The following OSBPL9 variants were observed in gnomAD, a reference collection of about 807,000 sequenced individuals.
OSBPL9 encodes oxysterol binding protein like 9.
OSBPL9 carries 40 observed loss-of-function variants against 106.6 expected under a neutral mutation model. That is an observed-to-expected ratio of 0.38 (90% confidence interval 0.29 to 0.49). The LOEUF is 0.49. OSBPL9 is among the 20% of genes least tolerant of loss of function. The probability of loss-of-function intolerance (pLI) is 0.97; values close to 1 mark genes in which losing one functional copy is unlikely to be tolerated. For synonymous variants in OSBPL9, 269 were observed against 295.4 expected, an observed-to-expected ratio of 0.91 and a Z score of 0.92; for missense variants, 609 against 887.2, an observed-to-expected ratio of 0.69 and a Z score of 3.98.
intron 14 of OSBPL9, among the ~76,000 whole-genome samples, chr1:51,775,895 G>T (rs1320385301): frequency 2.0e-5 from 3 of 152,156 alleles, no homozygotes; most frequent in Non-Finnish European, 4.4e-5. Flanking sequence ...ATAGGCACAA[G>T]CCAGTATGCC....
chr1:51,660,453 T>C (rs190772056), intron 2 of OSBPL9, among the ~76,000 whole-genome samples: 155 of 152,098 alleles, frequency 1.0e-3, no homozygotes, highest in Non-Finnish European at 1.7e-3. Context: ...TGCATATTAA[T>C]AAAGAAGACA....
intron 9 of OSBPL9, among the ~76,000 whole-genome samples, chr1:51,758,674 A>G (rs1399997587): frequency 6.6e-6 from 1 of 152,194 alleles, no homozygotes; most frequent in East Asian, 1.9e-4. Context: ...ATTACATCCA[A>G]AAGAGAATTC....
chr1:51,759,483 T>C (rs1278225837), intron 9 of OSBPL9: 2 of 152,206 alleles, frequency 1.3e-5, no homozygotes, highest in African/African-American at 4.8e-5. Flanking sequence ...GGCTTATTTA[T>C]TGGCAAAGTA....
chr1:51,535,592 C>G, the OSBPL9 span, among the ~76,000 whole-genome samples: 1 of 151,962 alleles, frequency 6.6e-6, no homozygotes, highest in Non-Finnish European at 1.5e-5. Context: ...TAATCTCACT[C>G]TGTCGCCCAG....
the OSBPL9 span, among the ~76,000 whole-genome samples, chr1:51,518,868 A>C: frequency 1.3e-5 from 2 of 151,682 alleles, no homozygotes; most frequent in Non-Finnish European, 2.9e-5. Context: ...GGTAGGTGAA[A>C]GCTGCCCCGC....
chr1:51,756,924 A>C (rs1026516286), intron 9 of OSBPL9: 1 of 151,870 alleles, frequency 6.6e-6, no homozygotes, highest in Non-Finnish European at 1.5e-5. Context: ...TTTATATTCA[A>C]CTTCCCCTCC....
intron 4 of OSBPL9, among the ~76,000 whole-genome samples, chr1:51,730,582 A>G (rs1300314141): frequency 1.3e-5 from 2 of 152,190 alleles, no homozygotes; most frequent in Non-Finnish European, 2.9e-5. Flanking sequence ...AAACTTTGGT[A>G]TAGTTTTATG....
At chr1:51,787,296 G>T in intron 22 of OSBPL9, 57 bp from the exon 23 acceptor site, 1 of 1,531,400 alleles carries the variant, frequency 6.5e-7, no homozygotes, top group Non-Finnish European at 9.0e-7. Context: ...CTATATTCAG[G>T]ATGGCTGCAG....
chr1:51,665,967 C>A (rs909920199), intron 2 of OSBPL9, among the ~76,000 whole-genome samples: 16 of 152,080 alleles, frequency 1.1e-4, no homozygotes, highest in Non-Finnish European at 1.6e-4. Flanking sequence ...CCTGCCTCGG[C>A]CTCCTGAGTA....
At position 51,766,968 on chromosome 1, in the gene OSBPL9, A is replaced by G. The variant is rs188627949; in HGVS notation, c.938+987A>G. Among the ~76,000 whole-genome samples, 44 of 151,994 alleles carry G rather than the reference A, an allele frequency of 2.9e-4. No homozygotes were observed. In the East Asian group the frequency reaches 7.5e-3, roughly 26 times the overall value. Reference sequence around the variant, plus strand: ...TGGTACATGCCTATAAATTCCAGCTACTCAGGAGGCTGAGGCAGGAGAATC... The same window carrying G: ...TGGTACATGCCTATAAATTCCAGCTGCTCAGGAGGCTGAGGCAGGAGAATC... On this transcript the variant is annotated intron_variant, in intron 12 of 23. Coordinates refer to ENST00000428468, the MANE Select transcript of OSBPL9 (RefSeq NM_024586.6).
rs1245893854 is a variant in OSBPL9, at chr1:51,767,407, AAAG to A, written c.938+1430_938+1432del. 9.0e-4 allele frequency among the ~76,000 whole-genome samples: 137 copies of A among 152,162 alleles called. 1 individual carries two copies. Among genetic ancestry groups the A allele is most frequent in the Non-Finnish European group, 1.1e-3 (75 of 68,012 alleles). The stretch of plus-strand genomic sequence containing the variant: ...AGACTCTGTCTTAAAAAAAAAAAAA[AAAG>A]AAGTAGAATTACTGATTTACTTTCA... On this transcript the variant is annotated intron_variant, in intron 12 of 23. Coordinates refer to ENST00000428468, the MANE Select transcript of OSBPL9 (RefSeq NM_024586.6).
upstream of OSBPL9, among the ~76,000 whole-genome samples, chr1:51,573,631 T>C (rs1328839527): frequency 6.7e-6 from 1 of 148,722 alleles, no homozygotes; most frequent in Non-Finnish European, 1.5e-5. Context: ...CTGGCCAACA[T>C]GGTGAGACCC....
rs962386415 is a variant in OSBPL9, at chr1:51,784,829, A to C, written c.1829+247A>C. 1.4e-5 allele frequency: 7 copies of C among 506,128 alleles called. No individual in the cohort carries two copies. In the Admixed American group the frequency reaches 2.2e-4, roughly 16 times the overall value. The allele number at this position is 506,128 out of a possible 1,614,324, so 31.4% of individuals were successfully genotyped here. A position where few individuals can be genotyped will look rare whatever the true frequency, so the allele number is the denominator to read the frequency against. On this transcript the variant is annotated intron_variant, in intron 20 of 23. Transcript: ENST00000428468. ...AAACCTGACTTGCAATGTTGAACTA[A>C]AAGAGGCCTTCCTAGGTTGCCTAGC...
chr1:51,775,147 T>A (rs1674765679), intron 14 of OSBPL9, among the ~76,000 whole-genome samples: 1 of 152,230 alleles, frequency 6.6e-6, no homozygotes, highest in Admixed American at 6.5e-5. Context: ...AATTTACATG[T>A]TCTGTGGAAG....
At chr1:51,617,041 G>GCCCCCC, upstream of OSBPL9, 1 of 352,962 alleles carries the variant, frequency 2.8e-6, no homozygotes, top group Non-Finnish European at 4.7e-6. Flanking sequence ...CTGCGGCCCC[G>GCCCCCC]CCCCCCGCAT....
At chr1:51,523,398 C>T in the OSBPL9 span, among the ~76,000 whole-genome samples, 3 of 151,974 alleles carry the variant, frequency 2.0e-5, no homozygotes, top group South Asian at 6.3e-4. Context: ...TGAGCCACCG[C>T]ACCCAGACAA....
intron 11 of OSBPL9, among the ~76,000 whole-genome samples, chr1:51,764,583 CTTTT>C (rs531240886): frequency 2.2e-5 from 3 of 135,696 alleles, no homozygotes; most frequent in Admixed American, 7.4e-5. Flanking sequence ...ACTCTGGATT[CTTTT>C]TTTTTTTTTT....
chr1:51,628,080 G>A (rs1383772566), intron 1 of OSBPL9, among the ~76,000 whole-genome samples: 1 of 150,136 alleles, frequency 6.7e-6, no homozygotes, highest in Non-Finnish European at 1.5e-5. Flanking sequence ...TTTTGGAAAG[G>A]ACTATTGCAG....
intron 1 of OSBPL9, among the ~76,000 whole-genome samples, chr1:51,620,567 T>C (rs934929263): frequency 6.6e-6 from 1 of 152,128 alleles, no homozygotes; most frequent in Non-Finnish European, 1.5e-5. Context: ...GAGGAGAGAT[T>C]AGCCGTATGA....
Sources: allele counts gnomAD v4.1 joint callset (sites outside exome capture counted in the v4.1 genomes callset), GRCh38; gene constraint gnomAD v4.1.1; transcripts MANE v1.5; gene names NCBI Gene and HGNC (gene_info 2026-07-23, HGNC 2026-07-21).